Variants in MTA3 observed in about 807,000 individuals in gnomAD.
MTA3 encodes metastasis associated 1 family member 3, also known as metastasis-associated protein MTA3.
In MTA3, 34 loss-of-function variants were observed where a neutral mutation model predicts 83.5. The ratio of observed to expected loss-of-function variants is 0.41; its 90% CI spans 0.31 to 0.54. The LOEUF (loss-of-function observed/expected upper bound fraction) is 0.54. Ranked by LOEUF, MTA3 falls within the 20% of genes least tolerant of loss-of-function variation. The probability of loss-of-function intolerance (pLI) is 0.33; values close to 1 mark genes in which losing one functional copy is unlikely to be tolerated. For synonymous variants in MTA3, 303 were observed against 252.7 expected (o/e 1.20, Z -1.89); for missense variants, 761 against 726.4 (o/e 1.05, Z -0.55).
chr2:42,663,638 G>A (rs554071811), intron 8 of MTA3, among the ~76,000 whole-genome samples: 4 of 152,146 alleles, frequency 2.6e-5, no homozygotes, highest in Non-Finnish European at 5.9e-5. Context: ...GGTGGTGAGT[G>A]CTTGTAGTTC....
chr2:42,676,066 A>T (rs1001118261), intron 8 of MTA3, among the ~76,000 whole-genome samples: 3 of 152,186 alleles, frequency 2.0e-5, no homozygotes, highest in Non-Finnish European at 4.4e-5. Flanking sequence ...CTTTGGTATA[A>T]ATGTGCGCTT....
intron 2 of MTA3, among the ~76,000 whole-genome samples, chr2:42,519,771 C>T (rs923347109): frequency 1.3e-4 from 20 of 151,934 alleles, no homozygotes; most frequent in African/African-American, 4.8e-4. Context: ...TAACCAGGGC[C>T]GGTTACGGTG....
At chr2:42,570,654 T>A in intron 2 of MTA3, 150 bp downstream of exon 2, 1 of 453,270 alleles carries the variant, frequency 2.2e-6, no homozygotes, top group Non-Finnish European at 4.0e-6. Flanking sequence ...AGCCCAGGAG[T>A]TGGAGACCAG....
At chr2:42,615,056 C>T (rs1486264609) in intron 4 of MTA3, among the ~76,000 whole-genome samples, 2 of 151,414 alleles carry the variant, frequency 1.3e-5, no homozygotes, top group African/African-American at 4.8e-5. Flanking sequence ...TTCTGGAGGC[C>T]GAGGCAGGTG....
intron 12 of MTA3, among the ~76,000 whole-genome samples, chr2:42,705,501 T>C (rs889301864): frequency 2.0e-5 from 3 of 152,128 alleles, no homozygotes; most frequent in Non-Finnish European, 4.4e-5. Flanking sequence ...GGTCAGGAGT[T>C]CGAGACCAGC....
intron 2 of MTA3, among the ~76,000 whole-genome samples, chr2:42,517,750 A>AC: frequency 6.8e-6 from 1 of 147,466 alleles, no homozygotes; most frequent in Non-Finnish European, 1.5e-5. Context: ...TGGTGGCGGG[A>AC]GCCTGTAATC....
chr2:42,541,193 G>A (rs967962282), intron 2 of MTA3, among the ~76,000 whole-genome samples: 2 of 151,996 alleles, frequency 1.3e-5, no homozygotes, highest in African/African-American at 2.4e-5. Flanking sequence ...CACCATGCCC[G>A]GCTAATTTTG....
chr2:42,536,466 A>G (rs934284051), intron 2 of MTA3, among the ~76,000 whole-genome samples: 5 of 149,858 alleles, frequency 3.3e-5, no homozygotes, highest in Admixed American at 6.7e-5. Flanking sequence ...CAAGATCGAA[A>G]CTCCATCTCA....
intron 2 of MTA3, among the ~76,000 whole-genome samples, chr2:42,548,987 C>T (rs1298590238): frequency 7.6e-6 from 1 of 131,492 alleles, no homozygotes; most frequent in Non-Finnish European, 1.6e-5. Context: ...CCAGCGTGAC[C>T]AACATGGAGA....
At chr2:42,556,520 G>A (rs1677399724) in intron 2 of MTA3, among the ~76,000 whole-genome samples, 1 of 152,162 alleles carries the variant, frequency 6.6e-6, no homozygotes, top group African/African-American at 2.4e-5. Context: ...GCTGACACCA[G>A]CATCATAAAT....
At chr2:42,596,617 C>G (rs754844991) in intron 3 of MTA3, among the ~76,000 whole-genome samples, 3 of 152,056 alleles carry the variant, frequency 2.0e-5, no homozygotes, top group Non-Finnish European at 2.9e-5. Context: ...TTTTTGTGAA[C>G]AAAGCAAGTA....
At chr2:42,554,007 G>C (rs1677260397) in intron 2 of MTA3, among the ~76,000 whole-genome samples, 1 of 151,958 alleles carries the variant, frequency 6.6e-6, no homozygotes, top group Non-Finnish European at 1.5e-5. Flanking sequence ...GCCGAGGCGG[G>C]TGGATCACCT....
chr2:42,726,071 T>C (rs1667793656), intron 16 of MTA3, among the ~76,000 whole-genome samples: 1 of 152,224 alleles, frequency 6.6e-6, no homozygotes, highest in Non-Finnish European at 1.5e-5. Flanking sequence ...TTTCATGAGC[T>C]AGTTATTACC....
intron 6 of MTA3, among the ~76,000 whole-genome samples, chr2:42,649,582 T>G (rs759052345): frequency 6.6e-6 from 1 of 152,200 alleles, no homozygotes; most frequent in Admixed American, 6.5e-5. Context: ...CATATGTGGC[T>G]TTCCCCAGCA....
intron 3 of MTA3, among the ~76,000 whole-genome samples, chr2:42,602,846 G>T (rs905139043): frequency 5.3e-5 from 8 of 152,052 alleles, no homozygotes; most frequent in Non-Finnish European, 1.2e-4. Context: ...CCAAAGACAG[G>T]GGCCCAGCCA....
In MTA3 at chr2:42,686,094, G is replaced by T. The variant is rs186425618; in HGVS notation, c.891+3505G>T. Reference sequence around the variant, plus strand: ...AGCACTGAGCAACTGTGTCATAATGGTGAGTTTTTTAAAGTGGTTTCATCC... The same window carrying T: ...AGCACTGAGCAACTGTGTCATAATGTTGAGTTTTTTAAAGTGGTTTCATCC... On this transcript the variant is annotated intron_variant, in intron 9 of 16. Coordinates refer to ENST00000405094, the MANE Select transcript of MTA3 (RefSeq NM_001330442.2). Among the ~76,000 whole-genome samples the T allele has an allele frequency of 3.3e-3, 509 of 152,196 alleles. 3 individuals are homozygous for T. Among genetic ancestry groups the T allele is most frequent in the South Asian group, 0.014 (69 of 4,822 alleles).
intron 9 of MTA3, among the ~76,000 whole-genome samples, chr2:42,693,994 G>T: frequency 6.6e-6 from 1 of 152,084 alleles, no homozygotes; most frequent in Non-Finnish European, 1.5e-5. Context: ...GCAGGGACTG[G>T]GTCCTTCCTT....
intron 3 of MTA3, among the ~76,000 whole-genome samples, chr2:42,608,460 C>T (rs1683771739): frequency 6.6e-6 from 1 of 152,152 alleles, no homozygotes; most frequent in South Asian, 2.1e-4. Context: ...TTCTAAGTTA[C>T]TGTTTAAGGT....
intron 2 of MTA3, among the ~76,000 whole-genome samples, chr2:42,577,111 T>A (rs2888831): frequency 0.22 from 8,667 of 39,758 alleles, 410 homozygotes; most frequent in African/African-American, 0.34. Context: ...AAAAAATATA[T>A]ATATATATAT....
Sources: gnomAD v4.1 joint callset for allele counts (sites outside exome capture counted in the v4.1 genomes callset) on GRCh38, gnomAD v4.1.1 for gene constraint, MANE v1.5 for transcripts, NCBI Gene and HGNC (gene_info 2026-07-23, HGNC 2026-07-21) for gene names.